The following CCDC158 variants were observed in gnomAD, a reference collection of about 807,000 sequenced individuals.
CCDC158 encodes the protein coiled-coil domain-containing protein 158.
A neutral mutation model predicts 138.6 loss-of-function variants in CCDC158; 116 were observed. The observed-to-expected ratio is 0.84, with a 90% confidence interval of 0.72 to 0.98. The LOEUF is 0.98. CCDC158 is among the 50% of genes least tolerant of loss of function. The pLI is 0.00. For missense variants in CCDC158, 1,265 were observed against 1,306.1 expected (o/e 0.97, Z 0.48); for synonymous variants, 436 against 442.4 (o/e 0.99, Z 0.18).
intron 4 of CCDC158, 77 bp from the exon 5 acceptor site, chr4:76,384,742 A>G: frequency 1.1e-6 from 1 of 946,824 alleles, no homozygotes; most frequent in Non-Finnish European, 1.7e-6. Flanking sequence ...CCAAAGATCT[A>G]TATATATTTT....
intron 4 of CCDC158, among the ~76,000 whole-genome samples, chr4:76,386,116 A>G (rs1417171985): frequency 6.6e-6 from 1 of 152,242 alleles, no homozygotes; most frequent in Non-Finnish European, 1.5e-5. Flanking sequence ...TAAATGAAGA[A>G]GCAGATCGAG....
chr4:76,380,637 C>T (rs1726143971), intron 8 of CCDC158, among the ~76,000 whole-genome samples: 1 of 152,156 alleles, frequency 6.6e-6, no homozygotes, highest in African/African-American at 2.4e-5. Flanking sequence ...AATTTGCAGC[C>T]TGACCATGTG....
Position 76,396,329 on chromosome 4 carries a change from A to G in CCDC158, c.228T>C (p.Phe76=), listed in dbSNP as rs966186159. Residue 76 remains phenylalanine (F), a synonymous_variant, in exon 4 of 25, where the codon TTT becomes TTC. Coordinates refer to ENST00000682701, the MANE Select transcript of CCDC158 (RefSeq NM_001394954.1). ...GTGAATATTCTTCCAAAACACGTTCAAAGTGTTCCTTTCCAGGAGATGGGA... is the reference window on the plus strand; with the variant it reads ...GTGAATATTCTTCCAAAACACGTTCGAAGTGTTCCTTTCCAGGAGATGGGA... ...KIIPSPGKEH[F]ERVLEEYSHQ... The G allele has an allele frequency of 6.2e-7, 1 of 1,614,036 alleles. No individual in the cohort carries two copies. Among genetic ancestry groups the G allele is most frequent in the African/African-American group, 1.3e-5 (1 of 75,058 alleles).
intron 11 of CCDC158, among the ~76,000 whole-genome samples, chr4:76,368,233 T>C (rs771822132): frequency 1.5e-4 from 23 of 152,092 alleles, no homozygotes; most frequent in Non-Finnish European, 3.1e-4. Flanking sequence ...AAGATAACCC[T>C]GGCAATGGGG....
At chr4:76,370,809 T>G (rs1725159517) in intron 10 of CCDC158, among the ~76,000 whole-genome samples, 1 of 152,180 alleles carries the variant, frequency 6.6e-6, no homozygotes, top group Admixed American at 6.5e-5. Context: ...CTCAGTTCTA[T>G]CCTTACCTCA....
chr4:76,393,935 A>T (rs138716614), intron 4 of CCDC158, among the ~76,000 whole-genome samples: 2,523 of 152,144 alleles, frequency 0.017, 27 homozygotes, highest in Non-Finnish European at 0.025. Context: ...TGAGATATCA[A>T]CTCACCCCAG....
chr4:76,366,214 T>C (rs1205885133), intron 12 of CCDC158, among the ~76,000 whole-genome samples: 1 of 152,208 alleles, frequency 6.6e-6, no homozygotes, highest in Non-Finnish European at 1.5e-5. Flanking sequence ...TTGAGAATCC[T>C]TTCTATGTCC....
intron 22 of CCDC158, among the ~76,000 whole-genome samples, chr4:76,327,713 G>A (rs1413445151): frequency 6.6e-6 from 1 of 152,158 alleles, no homozygotes; most frequent in Non-Finnish European, 1.5e-5. Flanking sequence ...CGCAGCACAT[G>A]ACTGTATATT....
chr4:76,396,371 ATCAAGTTCCACT>A lies in CCDC158; in HGVS notation c.174_185del (p.Glu58_Leu61del). 6.2e-7 allele frequency: 1 copy of A among 1,613,920 alleles called. No homozygotes were observed. Among genetic ancestry groups the A allele is most frequent in the Non-Finnish European group, 8.5e-7 (1 of 1,179,826 alleles). ...GAGATGGGATGATTTTTCTAGGAGA[ATCAAGTTCCACT>A]TCATATTTAGGGAAAAAAGGAACCT... is the stretch of plus-strand genomic sequence containing the variant. On this transcript the variant is annotated inframe_deletion, in exon 4 of 25. Coordinates refer to ENST00000682701, the MANE Select transcript of CCDC158 (RefSeq NM_001394954.1).
intron 1 of CCDC158, among the ~76,000 whole-genome samples, chr4:76,414,618 A>T (rs1365341304): frequency 6.6e-6 from 1 of 152,168 alleles, no homozygotes; most frequent in African/African-American, 2.4e-5. Context: ...TGTGGGAGGG[A>T]CCCAGGATGA....
chr4:76,411,669 G>T (rs895417545), intron 2 of CCDC158, among the ~76,000 whole-genome samples: 2 of 152,180 alleles, frequency 1.3e-5, no homozygotes, highest in Non-Finnish European at 2.9e-5. Context: ...ACAGAACTTA[G>T]AATCAGGAAA....
At chr4:76,384,512 A>G (rs1726600361) in intron 5 of CCDC158, 44 bp downstream of exon 5, 1 of 1,565,936 alleles carries the variant, frequency 6.4e-7, no homozygotes, top group East Asian at 2.2e-5. Flanking sequence ...ATAATTTCAC[A>G]TAATGAAAAT....
chr4:76,384,136 T>A lies in CCDC158; in HGVS notation c.678A>T (p.Leu226=), dbSNP rs754279643. The A allele has an allele frequency of 5.0e-6, 8 of 1,613,706 alleles. No homozygotes were observed. In the Admixed American group the frequency reaches 1.0e-4, roughly 20 times the overall value. Residue 226 remains leucine (L), a synonymous_variant, in exon 6 of 25, where the codon CTA becomes CTT. Coordinates refer to ENST00000682701, the MANE Select transcript of CCDC158 (RefSeq NM_001394954.1). The stretch of plus-strand genomic sequence containing the variant: ...AAGAAATCTCTGTGTCTAATTCTCT[T>A]AGTATTTTACTAATAGCTGAGCCCA... ...RSLGSAISKI[L]RELDTEISYL... is the part of the protein sequence containing the mutation.
At chr4:76,411,894 G>A (rs1159020827) in intron 2 of CCDC158, among the ~76,000 whole-genome samples, 196 bp downstream of exon 2, 1 of 152,172 alleles carries the variant, frequency 6.6e-6, no homozygotes, top group Non-Finnish European at 1.5e-5. Flanking sequence ...AACATAGTCT[G>A]AAAACCACAA....
chr4:76,351,082 T>C lies in CCDC158; in HGVS notation c.2578A>G (p.Lys860Glu). The change falls in exon 18 of 25, where the codon AAA becomes GAA. Residue 860 changes from lysine to glutamate, a missense_variant. Transcript: ENST00000682701. ...GATGCTGGCTGGAGAAGGCGTGGTTTCAATGAAGAATTTGAGGTGTATCCA... is the reference window on the plus strand; with the variant it reads ...GATGCTGGCTGGAGAAGGCGTGGTTCCAATGAAGAATTTGAGGTGTATCCA... Reference protein sequence around the residue: ...GPGYTSNSSLKPRLLQPASVT... With the variant: ...GPGYTSNSSLEPRLLQPASVT... 1.2e-6 allele frequency: 2 copies of C among 1,613,872 alleles called. No homozygotes were observed. Among genetic ancestry groups the C allele is most frequent in the Middle Eastern group, 1.7e-4 (1 of 6,060 alleles).
intron 18 of CCDC158, among the ~76,000 whole-genome samples, chr4:76,340,831 A>AC (rs953000387): frequency 2.7e-5 from 4 of 150,170 alleles, no homozygotes; most frequent in African/African-American, 7.3e-5. Context: ...TCCCAAAATC[A>AC]CCCCCCGCCT....
intron 24 of CCDC158, among the ~76,000 whole-genome samples, chr4:76,322,432 T>C (rs762658333): frequency 3.3e-5 from 5 of 152,198 alleles, no homozygotes; most frequent in Non-Finnish European, 5.9e-5. Flanking sequence ...CATTTCCCAA[T>C]GTTGTTGTGA....
chr4:76,322,471 C>T (rs1403572599), intron 24 of CCDC158, among the ~76,000 whole-genome samples: 1 of 152,170 alleles, frequency 6.6e-6, no homozygotes, highest in East Asian at 1.9e-4. Flanking sequence ...GCAAGTGAAG[C>T]TCTGAGTAAA....
At chr4:76,344,525 C>T (rs1722359375) in intron 18 of CCDC158, 1 of 871,914 alleles carries the variant, frequency 1.1e-6, no homozygotes, top group Admixed American at 1.7e-5. Flanking sequence ...GCCTGATGTG[C>T]CCCAGCTGGG....
Sources: gnomAD v4.1 joint callset for allele counts (sites outside exome capture counted in the v4.1 genomes callset) on GRCh38, gnomAD v4.1.1 for gene constraint, MANE v1.5 for transcripts, NCBI Gene and HGNC (gene_info 2026-07-23, HGNC 2026-07-21) for gene names.